Variants in RPS6KA5 observed in about 807,000 individuals in gnomAD.
RPS6KA5 encodes ribosomal protein S6 kinase A5.
Under a neutral mutation model 85.5 loss-of-function variants are expected in RPS6KA5, and 27 were observed. The ratio of observed to expected loss-of-function variants is 0.32; its 90% confidence interval spans 0.23 to 0.44. The LOEUF (loss-of-function observed/expected upper bound fraction) is 0.44. Among genes scored for constraint, RPS6KA5 ranks in the 20% least tolerant of loss-of-function variants. The pLI, the probability that RPS6KA5 is intolerant of heterozygous loss-of-function variation, is 1.00. For missense variants in RPS6KA5, 811 were observed against 980.9 expected, an observed-to-expected ratio of 0.83 and a Z score of 2.31; for synonymous variants, 334 against 348.2, an observed-to-expected ratio of 0.96 and a Z score of 0.46.
At chr14:91,022,364 T>C (rs527861702) in intron 1 of RPS6KA5, among the ~76,000 whole-genome samples, 1 of 152,168 alleles carries the variant, frequency 6.6e-6, no homozygotes, top group Non-Finnish European at 1.5e-5. Flanking sequence ...ATGTGAAGTA[T>C]ATCAATAATG....
At chr14:90,899,950 A>G (rs2035069457) in intron 11 of RPS6KA5, among the ~76,000 whole-genome samples, 158 bp downstream of exon 11, 1 of 152,244 alleles carries the variant, frequency 6.6e-6, no homozygotes, top group Non-Finnish European at 1.5e-5. Context: ...TATCAATTAG[A>G]GCTAAAAGTA....
At chr14:90,964,195 C>T (rs1295851703) in intron 3 of RPS6KA5, among the ~76,000 whole-genome samples, 3 of 152,190 alleles carry the variant, frequency 2.0e-5, no homozygotes, top group African/African-American at 7.2e-5. Flanking sequence ...AAGAAGGCAA[C>T]ACATGTGGCT....
intron 2 of RPS6KA5, among the ~76,000 whole-genome samples, chr14:90,998,713 C>T (rs537494217): frequency 2.6e-4 from 39 of 152,300 alleles, no homozygotes; most frequent in Non-Finnish European, 4.4e-4. Context: ...TGGAAATGTA[C>T]AATAACATCT....
intron 1 of RPS6KA5, among the ~76,000 whole-genome samples, chr14:91,035,693 A>G (rs992946236): frequency 5.3e-5 from 8 of 152,050 alleles, no homozygotes; most frequent in Non-Finnish European, 1.2e-4. Flanking sequence ...AACATCATCT[A>G]TAAAAGCTAC....
intron 3 of RPS6KA5, among the ~76,000 whole-genome samples, chr14:90,958,963 C>T (rs1251928418): frequency 6.6e-6 from 1 of 151,744 alleles, no homozygotes; most frequent in East Asian, 1.9e-4. Flanking sequence ...TTTAAAAGGG[C>T]AAGAACATGA....
At chr14:90,946,194 A>C (rs553910657) in intron 4 of RPS6KA5, among the ~76,000 whole-genome samples, 1 of 152,238 alleles carries the variant, frequency 6.6e-6, no homozygotes, top group African/African-American at 2.4e-5. Context: ...CCATATCAAT[A>C]ATTCCATGAA....
At chr14:90,895,815 G>A (rs997833832) in intron 12 of RPS6KA5, among the ~76,000 whole-genome samples, 8 of 152,160 alleles carry the variant, frequency 5.3e-5, no homozygotes, top group African/African-American at 9.7e-5. Flanking sequence ...ACTTGAGCTC[G>A]GGAGGTCAAG....
chr14:90,935,956 CTTT>C (rs140981520), intron 5 of RPS6KA5, among the ~76,000 whole-genome samples: 2 of 152,114 alleles, frequency 1.3e-5, no homozygotes, highest in Non-Finnish European at 2.9e-5. Context: ...TTTACCAACA[CTTT>C]TTTTAACTGT....
intron 1 of RPS6KA5, among the ~76,000 whole-genome samples, chr14:91,037,970 T>C (rs2042467122): frequency 6.6e-6 from 1 of 152,228 alleles, no homozygotes; most frequent in Middle Eastern, 3.2e-3. Flanking sequence ...GATTAGGCTA[T>C]GCTGAGATTG....
intron 1 of RPS6KA5, among the ~76,000 whole-genome samples, chr14:91,011,629 T>C (rs2139747005): frequency 6.6e-6 from 1 of 152,370 alleles, no homozygotes; most frequent in East Asian, 1.9e-4. Flanking sequence ...CAAGCTTTAC[T>C]GTCTTATTAG....
At position 90,857,330 on chromosome 14, in the gene RPS6KA5, C is replaced by T. The variant is rs749521842; in HGVS notation, c.*14744G>A. On this transcript the variant is annotated 3_prime_UTR_variant, in exon 17 of 17. Coordinates refer to ENST00000614987, the MANE Select transcript of RPS6KA5 (RefSeq NM_004755.4). The stretch of plus-strand genomic sequence containing the variant: ...ATTCTGGAAGACAAAGACCACCAAG[C>T]CATTTTTTGGTATCACGAAGCATTT... 8.5e-5 allele frequency: 13 copies of T among 152,154 alleles called. No individual in the cohort carries two copies. Among genetic ancestry groups the T allele is most frequent in the Non-Finnish European group, 1.9e-4 (13 of 68,038 alleles). 9.4% of individuals were successfully genotyped at this position (152,154 alleles called of 1,614,324 possible).
At chr14:90,938,100 C>T (rs1419372961) in intron 5 of RPS6KA5, among the ~76,000 whole-genome samples, 1 of 152,204 alleles carries the variant, frequency 6.6e-6, no homozygotes, top group African/African-American at 2.4e-5. Flanking sequence ...GGAGTACAGG[C>T]ATTGGTTAAA....
chr14:91,011,540 T>C (rs1487831148), intron 1 of RPS6KA5, among the ~76,000 whole-genome samples: 1 of 152,182 alleles, frequency 6.6e-6, no homozygotes, highest in Non-Finnish European at 1.5e-5. Context: ...AATGTGTTTC[T>C]AGCACTATCC....
rs1008095073 is a variant in RPS6KA5, at chr14:90,848,762, A to C, written c.*23312T>G. On this transcript the variant is annotated 3_prime_UTR_variant, in exon 17 of 17. Transcript: ENST00000614987. The stretch of plus-strand genomic sequence containing the variant: ...GAAGGGCTTTTTAAAGAGGCTAAAG[A>C]CATTCTAATTGCCATCCAAATTGAT... 5.9e-5 allele frequency: 9 copies of C among 152,214 alleles called. 1 individual carries two copies. Among genetic ancestry groups the C allele is most frequent in the Admixed American group, 4.6e-4 (7 of 15,276 alleles). 9.4% of individuals were successfully genotyped at this position (152,214 alleles called of 1,614,324 possible).
intron 1 of RPS6KA5, among the ~76,000 whole-genome samples, chr14:91,039,198 G>T (rs921373233): frequency 6.6e-6 from 1 of 152,040 alleles, no homozygotes; most frequent in East Asian, 1.9e-4. Context: ...GCATGCAGGG[G>T]GCTATTAGTA....
chr14:91,020,025 T>C (rs1566871807), intron 1 of RPS6KA5, among the ~76,000 whole-genome samples: 1 of 152,244 alleles, frequency 6.6e-6, no homozygotes. Flanking sequence ...AGGAATACTA[T>C]AGGCAACTGG....
intron 4 of RPS6KA5, among the ~76,000 whole-genome samples, chr14:90,947,104 T>G (rs1450059611): frequency 6.6e-6 from 1 of 152,200 alleles, no homozygotes; most frequent in East Asian, 1.9e-4. Context: ...AGGAAATACA[T>G]ATTATGACTG....
chr14:91,053,763 C>T (rs2043192666), intron 1 of RPS6KA5, among the ~76,000 whole-genome samples: 1 of 152,178 alleles, frequency 6.6e-6, no homozygotes, highest in Admixed American at 6.5e-5. Context: ...GCTAAGATGG[C>T]AACACTGCCA....
intron 12 of RPS6KA5, among the ~76,000 whole-genome samples, chr14:90,896,325 T>C (rs1352038650): frequency 6.6e-6 from 1 of 152,234 alleles, no homozygotes; most frequent in Non-Finnish European, 1.5e-5. Context: ...ATTCATGATC[T>C]TGGGATGCTA....
Sources: allele counts gnomAD v4.1 joint callset (sites outside exome capture counted in the v4.1 genomes callset), GRCh38; gene constraint gnomAD v4.1.1; transcripts MANE v1.5; gene names NCBI Gene and HGNC (gene_info 2026-07-23, HGNC 2026-07-21).